The following RABGAP1L variants were observed in gnomAD, a reference collection of about 807,000 sequenced individuals.
RABGAP1L encodes rab GTPase-activating protein 1-like.
A neutral mutation model predicts 137.7 loss-of-function variants in RABGAP1L; 63 were observed. That is an observed-to-expected ratio of 0.46 (90% CI 0.37 to 0.56). RABGAP1L has a LOEUF of 0.56. Among genes scored for constraint, RABGAP1L ranks in the 20% least tolerant of loss-of-function variants. RABGAP1L has a pLI of 0.00. For synonymous variants in RABGAP1L, 431 were observed against 433.7 expected (o/e 0.99, Z 0.08); for missense variants, 1,095 against 1,244.0 (o/e 0.88, Z 1.80).
intron 13 of RABGAP1L, among the ~76,000 whole-genome samples, chr1:174,511,291 T>C (rs74126819): frequency 0.035 from 5,293 of 152,322 alleles, 123 homozygotes; most frequent in Middle Eastern, 0.088. Flanking sequence ...CAAACACTTA[T>C]GCAGAGATAT....
intron 11 of RABGAP1L, among the ~76,000 whole-genome samples, chr1:174,320,350 C>G (rs939731577): frequency 3.9e-5 from 6 of 152,130 alleles, no homozygotes; most frequent in African/African-American, 1.4e-4. Flanking sequence ...AGTACATAGT[C>G]TTTTGTATCT....
rs190240086 is a variant in RABGAP1L at position 174,183,708 on chromosome 1, C to T, written c.-34+24051C>T. On this transcript the variant is annotated intron_variant, in intron 1 of 25. Coordinates refer to ENST00000681986, the MANE Select transcript of RABGAP1L (RefSeq NM_001366446.1). ...ACAAATGTATAGTGACGTGTGTCCA[C>T]CATTATTAGTATCATATGGAATGGT... is the stretch of plus-strand genomic sequence containing the variant. Among the ~76,000 whole-genome samples, 443 of 152,180 alleles carry T rather than the reference C, an allele frequency of 2.9e-3. 3 individuals carry two copies. The highest frequency in any genetic ancestry group is 2.0e-3 in the Non-Finnish European group (137 of 68,022).
intron 13 of RABGAP1L, among the ~76,000 whole-genome samples, chr1:174,419,228 A>T (rs866791248): frequency 6.6e-6 from 1 of 152,192 alleles, no homozygotes; most frequent in African/African-American, 2.4e-5. Context: ...TCAAAGTTTA[A>T]TGTGCATTCA....
chr1:174,323,815 C>T (rs1443092850), intron 11 of RABGAP1L, among the ~76,000 whole-genome samples: 1 of 152,074 alleles, frequency 6.6e-6, no homozygotes, highest in Non-Finnish European at 1.5e-5. Context: ...ACAACAAATA[C>T]ACCTTTAGTT....
At position 174,400,628 on chromosome 1, in the gene RABGAP1L, T is replaced by A. The variant is rs1412415497; in HGVS notation, c.1710+6483T>A. ...AGCAATGTCTTTTTTGTAGGAAACC[T>A]ATTCATCTTGTTGGGGAGAGCTATA... is the stretch of plus-strand genomic sequence containing the variant. On this transcript the variant is annotated intron_variant, in intron 13 of 25. Coordinates refer to ENST00000681986, the MANE Select transcript of RABGAP1L (RefSeq NM_001366446.1). Among the ~76,000 whole-genome samples, 3 of 152,328 alleles carry A rather than the reference T, an allele frequency of 2.0e-5. No homozygotes were observed. The East Asian group carries it at 5.8e-4, about 29-fold the overall frequency.
At chr1:174,550,999 C>CATATATATATACATATATATATATATAT (rs1666478091) in intron 13 of RABGAP1L, among the ~76,000 whole-genome samples, 1 of 86,372 alleles carries the variant, frequency 1.2e-5, no homozygotes, top group African/African-American at 8.3e-5. Context: ...TATATATACA[C>CATATATATATACATATATATATATATAT]ATATATATAT....
chr1:174,800,288 G>A (rs920181613), intron 18 of RABGAP1L: 17 of 1,529,940 alleles, frequency 1.1e-5, no homozygotes, highest in Non-Finnish European at 1.4e-5. Flanking sequence ...TAATATTGTG[G>A]ATAAGAGATC....
intron 17 of RABGAP1L, among the ~76,000 whole-genome samples, chr1:174,720,632 C>T (rs1681447508): frequency 6.6e-6 from 1 of 152,038 alleles, no homozygotes. Flanking sequence ...TGGATATTGA[C>T]TTATAAAAGA....
chr1:174,894,557 G>C (rs2149131727), intron 19 of RABGAP1L, among the ~76,000 whole-genome samples: 1 of 152,242 alleles, frequency 6.6e-6, no homozygotes, highest in East Asian at 1.9e-4. Flanking sequence ...ATCTAAGAGG[G>C]CATGACTGAG....
chr1:174,597,199 C>G (rs1406553192), intron 13 of RABGAP1L, among the ~76,000 whole-genome samples: 3 of 151,946 alleles, frequency 2.0e-5, no homozygotes, highest in Admixed American at 1.3e-4. Context: ...GTGTCTTTGT[C>G]TGGTTTTGTT....
intron 13 of RABGAP1L, among the ~76,000 whole-genome samples, chr1:174,561,234 A>G (rs912244190): frequency 6.6e-6 from 1 of 152,234 alleles, no homozygotes; most frequent in East Asian, 1.9e-4. Flanking sequence ...CAGAGAGCCA[A>G]ATCATGAGTG....
chr1:174,801,680 G>A lies in RABGAP1L; in HGVS notation c.2212-10152G>A, dbSNP rs181244396. On this transcript the variant is annotated intron_variant, in intron 18 of 25. Coordinates refer to ENST00000681986, the MANE Select transcript of RABGAP1L (RefSeq NM_001366446.1). The stretch of plus-strand genomic sequence containing the variant: ...AAGAAATAAAAAGAGCTGAAGACAT[G>A]TGTTTTAATGTCCAGGTGAAGTCAT... Among the ~76,000 whole-genome samples, 4 of 152,314 alleles carry A rather than the reference G, an allele frequency of 2.6e-5. No individual in the cohort carries two copies. The East Asian group carries it at 7.7e-4, about 29-fold the overall frequency.
intron 10 of RABGAP1L, among the ~76,000 whole-genome samples, chr1:174,299,318 G>A (rs1677434719): frequency 6.6e-6 from 1 of 152,198 alleles, no homozygotes; most frequent in Admixed American, 6.5e-5. Flanking sequence ...TCCTGGACCT[G>A]TTAGCAAGTG....
intron 13 of RABGAP1L, among the ~76,000 whole-genome samples, chr1:174,520,802 A>G (rs1447594246): frequency 6.6e-6 from 1 of 152,154 alleles, no homozygotes; most frequent in East Asian, 1.9e-4. Flanking sequence ...GGAGATTGAG[A>G]CCAGGCTGGC....
chr1:174,278,001 T>C (rs1186148602), intron 9 of RABGAP1L, among the ~76,000 whole-genome samples: 1 of 152,144 alleles, frequency 6.6e-6, no homozygotes, highest in Admixed American at 6.6e-5. Context: ...ATTTGGACTT[T>C]CCTTTAACAG....
intron 18 of RABGAP1L, among the ~76,000 whole-genome samples, chr1:174,777,754 A>G (rs1686643746): frequency 1.3e-5 from 2 of 152,260 alleles, no homozygotes. Flanking sequence ...GAACTAAGAA[A>G]TACATTGAAT....
intron 1 of RABGAP1L, among the ~76,000 whole-genome samples, chr1:174,208,906 A>G (rs1175616994): frequency 2.6e-5 from 4 of 152,134 alleles, no homozygotes; most frequent in South Asian, 2.1e-4. Context: ...ATATAGGGCT[A>G]TTCAGTTTAT....
At chr1:174,748,416 A>G (rs755918509) in intron 17 of RABGAP1L, among the ~76,000 whole-genome samples, 16 of 152,182 alleles carry the variant, frequency 1.1e-4, no homozygotes, top group Non-Finnish European at 2.1e-4. Context: ...CTAAACACAT[A>G]TGTAAACCAA....
chr1:174,486,800 C>G (rs1052152858), intron 13 of RABGAP1L, among the ~76,000 whole-genome samples: 16 of 152,014 alleles, frequency 1.1e-4, no homozygotes, highest in Non-Finnish European at 1.9e-4. Flanking sequence ...CCTCTCAGTG[C>G]TGTATCCTGT....
Sources: allele counts gnomAD v4.1 joint callset (sites outside exome capture counted in the v4.1 genomes callset), GRCh38; gene constraint gnomAD v4.1.1; transcripts MANE v1.5; gene names NCBI Gene and HGNC (gene_info 2026-07-23, HGNC 2026-07-21).